Variants in MIS18A observed in about 807,000 individuals in gnomAD.
MIS18A encodes the protein MIS18 kinetochore protein A.
MIS18A carries 14 observed loss-of-function variants against 25.0 expected under a neutral mutation model. The observed-to-expected ratio is 0.56, with a 90% CI of 0.37 to 0.88. The LOEUF (loss-of-function observed/expected upper bound fraction) is 0.88. Ranked by LOEUF, MIS18A falls within the 40% of genes least tolerant of loss-of-function variation. The probability of loss-of-function intolerance (pLI) is 0.00; values close to 1 mark genes in which losing one functional copy is unlikely to be tolerated. For synonymous variants in MIS18A, 134 were observed against 118.6 expected (o/e 1.13, Z -0.84); for missense variants, 292 against 290.8 (o/e 1.00, Z -0.03).
At chr21:32,208,833 T>C in the MIS18A span, among the ~76,000 whole-genome samples, 2 of 152,228 alleles carry the variant, frequency 1.3e-5, no homozygotes, top group African/African-American at 4.8e-5. Context: ...AAATGATAAC[T>C]ACATGGAGTG....
the MIS18A span, among the ~76,000 whole-genome samples, chr21:32,176,268 A>C: frequency 1.3e-5 from 2 of 152,220 alleles, no homozygotes; most frequent in African/African-American, 4.8e-5. Context: ...ACTTTTATAC[A>C]ACTGGCAGCA....
downstream of MIS18A, among the ~76,000 whole-genome samples, chr21:32,263,871 A>G (rs1314243183): frequency 6.7e-6 from 1 of 149,724 alleles, no homozygotes; most frequent in East Asian, 2.0e-4. Flanking sequence ...ATTATGGCCA[A>G]TTTCAAGCTA....
the MIS18A span, among the ~76,000 whole-genome samples, chr21:32,234,981 G>A: frequency 1.3e-5 from 2 of 152,164 alleles, no homozygotes; most frequent in South Asian, 2.1e-4. Context: ...TTGAGACAGA[G>A]GAGCACCTAT....
chr21:32,188,238 T>C, the MIS18A span, among the ~76,000 whole-genome samples: 6 of 152,312 alleles, frequency 3.9e-5, no homozygotes, highest in South Asian at 4.1e-4. Flanking sequence ...CCAGCCACAG[T>C]TTCATGCATG....
the MIS18A span, among the ~76,000 whole-genome samples, chr21:32,182,577 G>T: frequency 2.0e-5 from 3 of 152,134 alleles, no homozygotes; most frequent in African/African-American, 2.4e-5. Context: ...GTGAGCCTCG[G>T]GTGGGCTCGT....
the MIS18A span, among the ~76,000 whole-genome samples, chr21:32,229,035 G>A: frequency 6.6e-6 from 1 of 151,724 alleles, no homozygotes; most frequent in Admixed American, 6.6e-5. Flanking sequence ...CCAAATGGCT[G>A]CCACTAATTC....
the MIS18A span, among the ~76,000 whole-genome samples, chr21:32,233,054 A>G: frequency 3.3e-5 from 5 of 152,348 alleles, no homozygotes; most frequent in Admixed American, 1.3e-4. Context: ...CTTAACCTCT[A>G]TATTCTGGGC....
chr21:32,239,945 T>C, the MIS18A span, among the ~76,000 whole-genome samples: 4 of 152,260 alleles, frequency 2.6e-5, no homozygotes, highest in Admixed American at 6.5e-5. Flanking sequence ...CCTGATCACC[T>C]TTCCTGAACC....
intron 3 of MIS18A, among the ~76,000 whole-genome samples, chr21:32,270,115 G>C (rs2031684851): frequency 6.6e-6 from 1 of 152,006 alleles, no homozygotes; most frequent in African/African-American, 2.4e-5. Context: ...TAAAAAGCTG[G>C]GGGCAGGGGG....
At chr21:32,254,153 C>T in the MIS18A span, among the ~76,000 whole-genome samples, 1 of 152,060 alleles carries the variant, frequency 6.6e-6, no homozygotes, top group Non-Finnish European at 1.5e-5. Flanking sequence ...CTCACTTGAA[C>T]CTGGGAGGCG....
downstream of MIS18A, among the ~76,000 whole-genome samples, chr21:32,267,494 A>G (rs1351540912): frequency 1.3e-5 from 2 of 152,246 alleles, no homozygotes; most frequent in African/African-American, 2.4e-5. Context: ...ATTACTTTTC[A>G]TTGGTGAAAT....
chr21:32,193,867 G>A, the MIS18A span, among the ~76,000 whole-genome samples: 5 of 152,110 alleles, frequency 3.3e-5, no homozygotes, highest in Non-Finnish European at 7.3e-5. Flanking sequence ...TCTCAGCATT[G>A]GCTCTACTGG....
the MIS18A span, among the ~76,000 whole-genome samples, chr21:32,165,240 G>T: frequency 4.1e-4 from 62 of 152,254 alleles, no homozygotes; most frequent in Admixed American, 3.8e-3. Flanking sequence ...GGCTGACGCA[G>T]GAGAATTGCT....
the MIS18A span, among the ~76,000 whole-genome samples, chr21:32,213,910 T>C: frequency 2.0e-3 from 312 of 152,310 alleles, 2 homozygotes; most frequent in African/African-American, 7.1e-3. Context: ...TGTGGTTACA[T>C]TGGGATCTTG....
the MIS18A span, chr21:32,259,679 T>C: frequency 6.6e-6 from 1 of 152,262 alleles, no homozygotes; most frequent in Non-Finnish European, 1.5e-5. Flanking sequence ...GGCGTTAATG[T>C]GTATCTGCCG....
the MIS18A span, among the ~76,000 whole-genome samples, chr21:32,237,157 T>C: frequency 2.0e-5 from 3 of 148,882 alleles, no homozygotes; most frequent in African/African-American, 7.4e-5. Flanking sequence ...CAGGCCATGA[T>C]TCATGGTCTC....
chr21:32,176,368 C>T, the MIS18A span, among the ~76,000 whole-genome samples: 34 of 152,200 alleles, frequency 2.2e-4, no homozygotes, highest in African/African-American at 8.2e-4. Context: ...TTTTTCAGCT[C>T]CATTATAATC....
chr21:32,259,022 C>T, the MIS18A span, among the ~76,000 whole-genome samples: 4 of 70 alleles, frequency 0.057, no homozygotes, highest in Non-Finnish European at 0.1. Context: ...TGCAAGTGCA[C>T]GCTACCACTG....
At chr21:32,219,614 C>T in the MIS18A span, among the ~76,000 whole-genome samples, 1 of 152,110 alleles carries the variant, frequency 6.6e-6, no homozygotes, top group Non-Finnish European at 1.5e-5. Flanking sequence ...GCCTGGAATG[C>T]CAGCAAGACA....
Sources: allele counts gnomAD v4.1 joint callset (sites outside exome capture counted in the v4.1 genomes callset), GRCh38; gene constraint gnomAD v4.1.1; transcripts MANE v1.5; gene names NCBI Gene and HGNC (gene_info 2026-07-23, HGNC 2026-07-21).